Variants in GNB1 observed in about 807,000 individuals in gnomAD.
GNB1 encodes the protein guanine nucleotide-binding protein G(I)/G(S)/G(T) subunit beta-1.
Under a neutral mutation model 42.9 loss-of-function variants are expected in GNB1, and 2 were observed. The ratio of observed to expected loss-of-function variants is 0.05; its 90% CI spans 0.02 to 0.15. The LOEUF is 0.15. Ranked by LOEUF, GNB1 falls within the 10% of genes least tolerant of loss-of-function variation. The pLI, the probability that GNB1 is intolerant of heterozygous loss-of-function variation, is 1.00. For missense variants in GNB1, 193 were observed against 462.2 expected (o/e 0.42, Z 5.34); for synonymous variants, 183 against 174.7 (o/e 1.05, Z -0.38).
At position 1,878,945 on chromosome 1, in the gene GNB1, C is replaced by T. The variant is rs539142285; in HGVS notation, c.-96+11875G>A. Among the ~76,000 whole-genome samples the T allele has an allele frequency of 1.3e-4, 20 of 152,294 alleles. No individual in the cohort carries two copies. The South Asian group carries it at 3.7e-3, about 28-fold the overall frequency. On this transcript the variant is annotated intron_variant, in intron 1 of 11. Transcript: ENST00000378609. ...ACCATTCCCTCTGCTCTCAGAATAC[C>T]TTCTGTGGGTTCTGCGACACTAGTG...
intron 1 of GNB1, among the ~76,000 whole-genome samples, chr1:1,888,305 C>T (rs1449793462): frequency 1.3e-5 from 2 of 151,150 alleles, no homozygotes; most frequent in Non-Finnish European, 2.9e-5. Flanking sequence ...GGGCAGTGCG[C>T]ACTTAACTGG....
At chr1:1,876,024 A>T (rs1649527360) in intron 1 of GNB1, among the ~76,000 whole-genome samples, 5 of 152,128 alleles carry the variant, frequency 3.3e-5, no homozygotes, top group South Asian at 2.1e-4. Flanking sequence ...AGAGGTAGAG[A>T]GTGACTCCTC....
intron 1 of GNB1, among the ~76,000 whole-genome samples, chr1:1,849,781 T>C (rs6681938): frequency 0.21 from 32,245 of 152,062 alleles, 4,341 homozygotes; most frequent in Non-Finnish European, 0.3. Flanking sequence ...TGCCTAGGTG[T>C]TGAGGGTTTT....
chr1:1,848,357 CAA>C (rs56979938), intron 1 of GNB1, among the ~76,000 whole-genome samples: 86 of 94,328 alleles, frequency 9.1e-4, no homozygotes, highest in Non-Finnish European at 1.4e-3. Flanking sequence ...CCAGCCCAGG[CAA>C]AAAAAAAAAA....
chr1:1,789,393 G>T, intron 9 of GNB1, 124 bp from the exon 10 acceptor site: 1 of 655,138 alleles, frequency 1.5e-6, no homozygotes. Flanking sequence ...ACTGTGCTCT[G>T]GTAAGAACAG....
At chr1:1,875,365 GT>G (rs1570749689) in intron 1 of GNB1, among the ~76,000 whole-genome samples, 2 of 151,942 alleles carry the variant, frequency 1.3e-5, no homozygotes, top group East Asian at 3.9e-4. Flanking sequence ...CTAAACTTTT[GT>G]GTTTTTAGCA....
rs904687170 is a variant in GNB1, at chr1:1,787,958, G to A, written c.917-521C>T. 2 of 151,928 alleles carry A rather than the reference G, an allele frequency of 1.3e-5. No individual in the cohort carries two copies. The highest frequency in any genetic ancestry group is 4.8e-5 in the African/African-American group (2 of 41,276). The allele number at this position is 151,928 out of a possible 1,614,324, so 9.4% of individuals were successfully genotyped here. A position where few individuals can be genotyped will look rare whatever the true frequency, so the allele number is the denominator to read the frequency against. ...GTAGGAGAATCATTGGAACCCAGGA[G>A]GTGGAGCTTGCAGTGAGCCAAGATC... is the stretch of plus-strand genomic sequence containing the variant. On this transcript the variant is annotated intron_variant, in intron 10 of 11. Transcript: ENST00000378609. The surrounding 1 kb of genome is among the most constrained non-coding windows in gnomAD (Gnocchi z 4.4).
intron 5 of GNB1, among the ~76,000 whole-genome samples, chr1:1,814,797 CAA>C (rs66588627): frequency 3.9e-5 from 3 of 77,602 alleles, no homozygotes; most frequent in Non-Finnish European, 7.2e-5. Context: ...GACCCTGTCT[CAA>C]AAAAAAAAAA....
chr1:1,852,473 G>A (rs916859605), intron 1 of GNB1, among the ~76,000 whole-genome samples: 17 of 152,002 alleles, frequency 1.1e-4, no homozygotes, highest in African/African-American at 4.1e-4. Flanking sequence ...CTCGCGACCC[G>A]CCCGCCTCAG....
At chr1:1,890,659 C>T (rs1650448203) in intron 1 of GNB1, among the ~76,000 whole-genome samples, 161 bp downstream of exon 1, 1 of 147,988 alleles carries the variant, frequency 6.8e-6, no homozygotes, top group Non-Finnish European at 1.5e-5. Context: ...ACCTCGGACC[C>T]CAGCCCCCGG....
At chr1:1,806,905 C>T (rs567472938) in intron 5 of GNB1, among the ~76,000 whole-genome samples, 11 of 152,122 alleles carry the variant, frequency 7.2e-5, no homozygotes, top group East Asian at 1.9e-4. Context: ...ACCTAGGAAG[C>T]GGAGGTTACA....
intron 1 of GNB1, among the ~76,000 whole-genome samples, chr1:1,854,543 G>A (rs184490168): frequency 6.6e-6 from 1 of 152,182 alleles, no homozygotes; most frequent in Admixed American, 6.5e-5. Context: ...CACAGCAAGA[G>A]GGACTCACTA....
In GNB1 at chr1:1,825,454, C is replaced by T. The variant is rs749773469; in HGVS notation, c.-1G>A. ...GCCGTAACTGGTCAAGCTCACTCAT[C>T]TTCCGATCTTAGTGCTCTTCAATGC... On this transcript the variant is annotated 5_prime_UTR_variant, in exon 3 of 12. Coordinates refer to ENST00000378609, the MANE Select transcript of GNB1 (RefSeq NM_002074.5). 1 of 1,609,762 alleles carries T rather than the reference C, an allele frequency of 6.2e-7. No homozygotes were observed.
At chr1:1,818,040 T>A (rs1646880579) in intron 3 of GNB1, 165 bp from the exon 4 acceptor site, 2 of 597,074 alleles carry the variant, frequency 3.3e-6, no homozygotes, top group African/African-American at 3.7e-5. Context: ...CATGGTCTAC[T>A]ACCATCTGTG....
intron 3 of GNB1, among the ~76,000 whole-genome samples, chr1:1,823,390 T>C (rs1570672195): frequency 1.3e-5 from 2 of 152,282 alleles, no homozygotes; most frequent in African/African-American, 4.8e-5. Flanking sequence ...TTTTCTTTTT[T>C]ACTTGCCAAA....
At chr1:1,831,232 G>C (rs977205884) in intron 2 of GNB1, among the ~76,000 whole-genome samples, 1 of 152,060 alleles carries the variant, frequency 6.6e-6, no homozygotes, top group African/African-American at 2.4e-5. Flanking sequence ...ACCTACTTGG[G>C]AGGCTGAGGT....
intron 1 of GNB1, among the ~76,000 whole-genome samples, chr1:1,853,348 G>A (rs974507925): frequency 6.6e-6 from 1 of 152,140 alleles, no homozygotes; most frequent in Non-Finnish European, 1.5e-5. Flanking sequence ...AGCTCTTACT[G>A]ACTGTATTCC....
At chr1:1,889,646 A>G (rs1570771469) in intron 1 of GNB1, among the ~76,000 whole-genome samples, 1 of 147,756 alleles carries the variant, frequency 6.8e-6, no homozygotes, top group African/African-American at 2.5e-5. Context: ...TTTTACAAAG[A>G]GATCCCATCT....
intron 1 of GNB1, among the ~76,000 whole-genome samples, chr1:1,875,563 C>T (rs1445656239): frequency 6.6e-6 from 1 of 152,014 alleles, no homozygotes; most frequent in African/African-American, 2.4e-5. Flanking sequence ...GGTTGGAGTG[C>T]AGTGGCACAA....
Sources: gnomAD v4.1 joint callset for allele counts (sites outside exome capture counted in the v4.1 genomes callset) on GRCh38, gnomAD v4.1.1 for gene constraint, Gnocchi (gnomAD v3.1) non-coding constraint, MANE v1.5 for transcripts, NCBI Gene and HGNC (gene_info 2026-07-23, HGNC 2026-07-21) for gene names.